Variants in LMTK3 observed in about 807,000 individuals in gnomAD.
LMTK3 encodes the protein lemur tail kinase 3.
A neutral mutation model predicts 116.7 loss-of-function variants in LMTK3; 27 were observed. The ratio of observed to expected loss-of-function variants is 0.23; its 90% CI spans 0.17 to 0.32. The LOEUF is 0.32. LMTK3 is among the 10% of genes least tolerant of loss of function. LMTK3 has a pLI of 1.00. For synonymous variants in LMTK3, 965 were observed against 971.0 expected, an observed-to-expected ratio of 0.99 and a Z score of 0.11; for missense variants, 1,764 against 2,068.5, an observed-to-expected ratio of 0.85 and a Z score of 2.86.
chr19:48,498,421 C>A lies in LMTK3; in HGVS notation c.2648G>T (p.Arg883Leu). ...NLLGEKGATARETGPRKAGRG... is the reference protein window; with the variant it reads ...NLLGEKGATALETGPRKAGRG... ...CCCCGCCTTCCTGGGTCCTGTCTCCCGGGCTGTCGCCCCCTTCTCCCCCAG... is the reference window on the plus strand; with the variant it reads ...CCCCGCCTTCCTGGGTCCTGTCTCCAGGGCTGTCGCCCCCTTCTCCCCCAG... Residue 883 changes from arginine (R) to leucine (L), a missense_variant, in exon 11 of 15, where the codon CGG becomes CTG. Physicochemically the swap from Arg to Leu is moderately radical, Grantham distance 102. This residue lies in a region of LMTK3 where 1,028 missense variants were observed against 1,050.6 expected (regional missense o/e 0.98). Coordinates refer to ENST00000600059, the MANE Select transcript of LMTK3 (RefSeq NM_001388485.1). 3 of 1,607,502 alleles carry A rather than the reference C, an allele frequency of 1.9e-6. No individual in the cohort carries two copies. Among genetic ancestry groups the A allele is most frequent in the East Asian group, 2.2e-5 (1 of 44,576 alleles).
chr19:48,508,772 G>C (rs1972610242), intron 5 of LMTK3, 79 bp downstream of exon 5: 1 of 1,084,864 alleles, frequency 9.2e-7, no homozygotes, highest in Admixed American at 1.7e-5. Context: ...TAGATTCCAG[G>C]TGTGACCCCA....
chr19:48,491,433 T>G lies in LMTK3; in HGVS notation c.4199A>C (p.Asp1400Ala). The G allele has an allele frequency of 7.3e-7, 1 of 1,374,732 alleles. No homozygotes were observed. Among genetic ancestry groups the G allele is most frequent in the South Asian group, 1.5e-5 (1 of 64,800 alleles). The allele number at this position is 1,374,732 out of a possible 1,614,324, so 85.2% of individuals were successfully genotyped here. Residue 1400 changes from aspartate to alanine, a missense_variant, in exon 13 of 15, where the codon GAT becomes GCT. Asp to Ala is a moderately radical substitution (Grantham distance 126). Transcript: ENST00000600059. The surrounding 1 kb of genome is among the most constrained non-coding windows in gnomAD (Gnocchi z 5.1). ...GCCGCTGTCGTTGCTGGGAAACCCA[T>G]CTCCGGGGGTGGCGGGGTGGGGAGG... ...PTPPHPATPG[D>A]GFPSNDSGFG...
In LMTK3 at chr19:48,499,415, G is replaced by T; in HGVS notation, c.1654C>A (p.Leu552Ile). ...AGGGGGTCCCAGTCGTTGGGGAAGA[G>T]GGGCTCAGGAGGGGAGCCGTGCTCC... ...LEEHGSPPEPLFPNDWDPLDP... is the reference protein window; with the variant it reads ...LEEHGSPPEPIFPNDWDPLDP... The change falls in exon 11 of 15, where the codon CTC becomes ATC. Residue 552 changes from leucine to isoleucine, a missense_variant. Coordinates refer to ENST00000600059, the MANE Select transcript of LMTK3 (RefSeq NM_001388485.1). 1 of 1,455,218 alleles carries T rather than the reference G, an allele frequency of 6.9e-7. No individual in the cohort carries two copies. The highest frequency in any genetic ancestry group is 2.1e-4 in the Middle Eastern group (1 of 4,752). 90.1% of individuals were successfully genotyped at this position (1,455,218 alleles called of 1,614,324 possible).
chr19:48,491,261 A>C lies in LMTK3; in HGVS notation c.4229-16T>G. 2.2e-6 allele frequency: 3 copies of C among 1,394,394 alleles called. No individual in the cohort carries two copies. Among genetic ancestry groups the C allele is most frequent in the Non-Finnish European group, 2.8e-6 (3 of 1,071,394 alleles). The allele number at this position is 1,394,394 out of a possible 1,614,324, so 86.4% of individuals were successfully genotyped here. ...AAACTGCCTCCTGCGGCAGAAGGAA[A>C]GACCGCGGTCAGGCTGCAGACACCT... On this transcript the variant is annotated splice_polypyrimidine_tract_variant and intron_variant, in intron 13 of 14. Transcript: ENST00000600059. This position sits in a 1 kb window ranked among gnomAD's most constrained non-coding sequence, Gnocchi z 5.1.
At chr19:48,504,605 A>G (rs1972531753) in intron 5 of LMTK3, among the ~76,000 whole-genome samples, 1 of 151,614 alleles carries the variant, frequency 6.6e-6, no homozygotes. Flanking sequence ...TCTGGAGTAC[A>G]GTGGTGCAAT....
At chr19:48,503,057 AC>A (rs1350581971) in intron 5 of LMTK3, 61 bp from the exon 6 acceptor site, 7 of 1,013,566 alleles carry the variant, frequency 6.9e-6, no homozygotes, top group Non-Finnish European at 1.1e-5. Context: ...TCCTGCCCCA[AC>A]CCCCAGCAGA....
At chr19:48,486,312 G>T (rs1189568185) in intron 14 of LMTK3, among the ~76,000 whole-genome samples, 2 of 150,960 alleles carry the variant, frequency 1.3e-5, no homozygotes, top group African/African-American at 4.9e-5. Flanking sequence ...ACCCGCCTCG[G>T]CCTCCCAAAG....
In LMTK3 at chr19:48,497,520, G is replaced by C; in HGVS notation, c.3549C>G (p.Ser1183Arg). ...TGAGTGCCGTGTCTCCGCCGGCCCTGCTGTCTGGGGCCCCGGGCTCTCCCT... is the reference window on the plus strand; with the variant it reads ...TGAGTGCCGTGTCTCCGCCGGCCCTCCTGTCTGGGGCCCCGGGCTCTCCCT... ...APEGEPGAPDSRAGGDTALSG... is the reference protein window; with the variant it reads ...APEGEPGAPDRRAGGDTALSG... The change falls in exon 11 of 15, where the codon AGC becomes AGG. Residue 1183 changes from serine to arginine, a missense_variant. Around this residue, in one of 7 missense-constraint regions of LMTK3, gnomAD observed 1,028 missense variants for 1,050.6 expected, o/e 0.98. Transcript: ENST00000600059. The surrounding 1 kb of genome is among the most constrained non-coding windows in gnomAD (Gnocchi z 5.7). 7.0e-7 allele frequency: 1 copy of C among 1,425,376 alleles called. No homozygotes were observed. The highest frequency in any genetic ancestry group is 9.2e-7 in the Non-Finnish European group (1 of 1,087,598). 88.3% of individuals were successfully genotyped at this position (1,425,376 alleles called of 1,614,324 possible). A position where few individuals can be genotyped will look rare whatever the true frequency, so the allele number is the denominator to read the frequency against.
rs757900513 is a variant in LMTK3 at position 48,498,801 on chromosome 19, CGG to C, written c.2266_2267del (p.Pro756AlafsTer783). 3.7e-3 allele frequency: 1,077 copies of C among 295,050 alleles called. No homozygotes were observed. The highest frequency in any genetic ancestry group is 0.014 in the South Asian group (114 of 8,260). 18.3% of individuals were successfully genotyped at this position (295,050 alleles called of 1,614,324 possible). On this transcript the variant is annotated frameshift_variant, in exon 11 of 15. Coordinates refer to ENST00000600059, the MANE Select transcript of LMTK3 (RefSeq NM_001388485.1). LOFTEE classifies it high-confidence loss of function. ...CCGCGGGGGCCCGAGGAGGTGGCGG[CGG>C]GGGGGGGGGAGCGGGAGGTGGCCCC... ...GRGPPPAPPP[P>X]PPPPRAPADP...
Position 48,499,166 on chromosome 19 carries a change from C to A in LMTK3, c.1903G>T (p.Ala635Ser). Residue 635 changes from alanine to serine, a missense_variant, in exon 11 of 15, where the codon GCC (alanine) becomes TCC (serine). Physicochemically the swap from Ala to Ser is moderately conservative, Grantham distance 99 (BLOSUM62 1). This residue lies in a region of LMTK3 where 1,028 missense variants were observed against 1,050.6 expected (regional missense o/e 0.98). Coordinates refer to ENST00000600059, the MANE Select transcript of LMTK3 (RefSeq NM_001388485.1). The stretch of plus-strand genomic sequence containing the variant: ...TCCTCTTCTTCTTCCACCCACGGGG[C>A]GGTCCCCCGCTCCCCCAAGACCTCG... Reference protein sequence around the residue: ...PAEVLGERGTAPWVEEEEEEE... With the variant: ...PAEVLGERGTSPWVEEEEEEE... 6.6e-7 allele frequency: 1 copy of A among 1,503,900 alleles called. No homozygotes were observed. Among genetic ancestry groups the A allele is most frequent in the Non-Finnish European group, 8.9e-7 (1 of 1,125,576 alleles). 93.2% of individuals were successfully genotyped at this position (1,503,900 alleles called of 1,614,324 possible).
chr19:48,511,266 G>T (rs1972653203), intron 1 of LMTK3, among the ~76,000 whole-genome samples: 1 of 152,152 alleles, frequency 6.6e-6, no homozygotes, highest in Non-Finnish European at 1.5e-5. Flanking sequence ...AAACACATGC[G>T]TGCACGCATA....
At position 48,491,211 on chromosome 19, in the gene LMTK3, G is replaced by A. The variant is rs1972215676; in HGVS notation, c.4263C>T (p.Leu1421=). Residue 1421 remains leucine, a synonymous_variant, in exon 14 of 15, where the codon CTC becomes CTT. Transcript: ENST00000600059. This position sits in a 1 kb window ranked among gnomAD's most constrained non-coding sequence, Gnocchi z 5.1. ...GSFEWAEDFP[L]LPPPGPPLCF... is the part of the protein sequence containing the mutation. ...ACAGCGGGGGGCCTGGAGGGGGGAG[G>A]AGGGGGAAATCCTCCGCCCACTCGA... 3 of 1,406,094 alleles carry A rather than the reference G, an allele frequency of 2.1e-6. No homozygotes were observed. The highest frequency in any genetic ancestry group is 3.1e-5 in the Admixed American group (1 of 32,344). 87.1% of individuals were successfully genotyped at this position (1,406,094 alleles called of 1,614,324 possible). A position where few individuals can be genotyped will look rare whatever the true frequency, so the allele number is the denominator to read the frequency against.
rs970325677 is a variant in LMTK3, at chr19:48,498,655, C to T, written c.2414G>A (p.Gly805Glu). ...GGCCGCCCCCCCACCTGGGAAGGCT[C>T]CCTCTGGGGAAAAAGGGGTCTCGGT... is the stretch of plus-strand genomic sequence containing the variant. ...YETETPFSPE[G>E]AFPGGGAAEE... The change falls in exon 11 of 15, where the codon GGA (glycine) becomes GAA (glutamate). Residue 805 changes from glycine (G) to glutamate (E), a missense_variant. Gly to Glu is a moderately conservative substitution (Grantham distance 98, BLOSUM62 -2). Coordinates refer to ENST00000600059, the MANE Select transcript of LMTK3 (RefSeq NM_001388485.1). The T allele has an allele frequency of 6.5e-7, 1 of 1,542,054 alleles. No individual in the cohort carries two copies. Among genetic ancestry groups the T allele is most frequent in the Non-Finnish European group, 8.7e-7 (1 of 1,145,196 alleles).
chr19:48,504,527 C>T (rs1366549442), intron 5 of LMTK3, among the ~76,000 whole-genome samples: 1 of 152,144 alleles, frequency 6.6e-6, no homozygotes, highest in African/African-American at 2.4e-5. Flanking sequence ...TTAATGGCAA[C>T]ATATTATTTG....
Position 48,498,808 on chromosome 19 carries a change from GGGGGAGC to G in LMTK3, c.2254_2260del (p.Ala752ProfsTer104). The G allele has an allele frequency of 8.1e-7, 1 of 1,235,998 alleles. No individual in the cohort carries two copies. Among genetic ancestry groups the G allele is most frequent in the Non-Finnish European group, 1.0e-6 (1 of 956,304 alleles). 76.6% of individuals were successfully genotyped at this position (1,235,998 alleles called of 1,614,324 possible). A position where few individuals can be genotyped will look rare whatever the true frequency, so the allele number is the denominator to read the frequency against. ...GGCCCGAGGAGGTGGCGGCGGGGGG[GGGGGAGC>G]GGGAGGTGGCCCCCGCCCGGGGTAC... On this transcript the variant is annotated frameshift_variant, in exon 11 of 15. Coordinates refer to ENST00000600059, the MANE Select transcript of LMTK3 (RefSeq NM_001388485.1). LOFTEE classifies it high-confidence loss of function.
In LMTK3 at chr19:48,500,887, G is replaced by T; in HGVS notation, c.1151+109C>A. 1 of 1,108,422 alleles carries T rather than the reference G, an allele frequency of 9.0e-7. No individual in the cohort carries two copies. The highest frequency in any genetic ancestry group is 1.3e-6 in the Non-Finnish European group (1 of 799,788). The allele number at this position is 1,108,422 out of a possible 1,614,324, so 68.7% of individuals were successfully genotyped here. On this transcript the variant is annotated intron_variant, in intron 10 of 14. Coordinates refer to ENST00000600059, the MANE Select transcript of LMTK3 (RefSeq NM_001388485.1). This position sits in a 1 kb window ranked among gnomAD's most constrained non-coding sequence, Gnocchi z 4.0. ...GGACAGCCCCTCTTCACTCTTGAGG[G>T]GTATGGAGGGCAAACGGGATGTGGG...
At chr19:48,501,230 T>G in intron 9 of LMTK3, 53 bp downstream of exon 9, 1 of 1,608,662 alleles carries the variant, frequency 6.2e-7, no homozygotes, top group Non-Finnish European at 8.5e-7. Context: ...TGGCATCTAG[T>G]AACCCTTCCA....
intron 14 of LMTK3, among the ~76,000 whole-genome samples, chr19:48,489,726 G>A (rs1405415164): frequency 6.6e-6 from 1 of 152,200 alleles, no homozygotes; most frequent in African/African-American, 2.4e-5. Flanking sequence ...TACAGATGAG[G>A]GAACTGAAGC....
At position 48,500,532 on chromosome 19, in the gene LMTK3, G is replaced by A. The variant is rs1240906308; in HGVS notation, c.1151+464C>T. On this transcript the variant is annotated intron_variant, in intron 10 of 14. Coordinates refer to ENST00000600059, the MANE Select transcript of LMTK3 (RefSeq NM_001388485.1). This position sits in a 1 kb window ranked among gnomAD's most constrained non-coding sequence, Gnocchi z 4.0. ...AGAGGGAAACATAGACCCAAAAAGT[G>A]GGGCAGAGATCCAGGGAGAAGAGGG... Among the ~76,000 whole-genome samples the A allele has an allele frequency of 6.6e-6, 1 of 152,184 alleles. No homozygotes were observed. The highest frequency in any genetic ancestry group is 1.5e-5 in the Non-Finnish European group (1 of 68,028).
Sources: gnomAD v4.1 joint callset for allele counts (sites outside exome capture counted in the v4.1 genomes callset) on GRCh38, gnomAD v4.1.1 for gene constraint, gnomAD v4.1.1 regional missense constraint, Gnocchi (gnomAD v3.1) non-coding constraint, MANE v1.5 for transcripts, NCBI Gene and HGNC (gene_info 2026-07-23, HGNC 2026-07-21) for gene names.